Variants in RGS12 observed in about 807,000 individuals in gnomAD.
RGS12 encodes the protein regulator of G protein signaling 12.
Under a neutral mutation model 120.1 loss-of-function variants are expected in RGS12, and 66 were observed. The observed-to-expected ratio is 0.55, with a 90% CI of 0.45 to 0.67. RGS12 has a LOEUF of 0.67. Ranked by LOEUF, RGS12 falls within the 30% of genes least tolerant of loss-of-function variation. RGS12 has a pLI of 0.00. For missense variants in RGS12, 1,859 were observed against 1,957.7 expected (o/e 0.95, Z 0.95); for synonymous variants, 827 against 804.7 (o/e 1.03, Z -0.47).
chr4:3,437,300 C>T (rs1577115314), intron 17 of RGS12, among the ~76,000 whole-genome samples: 1 of 152,182 alleles, frequency 6.6e-6, no homozygotes, highest in African/African-American at 2.4e-5. Flanking sequence ...AGTGTTTCTC[C>T]ATCCTGAGCA....
At chr4:3,415,162 T>A (rs1722242694) in intron 6 of RGS12, among the ~76,000 whole-genome samples, 1 of 135,072 alleles carries the variant, frequency 7.4e-6, no homozygotes, top group Admixed American at 7.2e-5. Context: ...CGCGTGTGTG[T>A]GAGGGGCGTG....
intron 4 of RGS12, among the ~76,000 whole-genome samples, chr4:3,387,088 C>G (rs966732231): frequency 6.6e-6 from 1 of 152,200 alleles, no homozygotes; most frequent in African/African-American, 2.4e-5. Flanking sequence ...AAATATTCCT[C>G]TTTTCTTCTA....
rs541019511 is a variant in RGS12 at position 3,392,830 on chromosome 4, AAT to A, written c.2020+6397_2020+6398del. On this transcript the variant is annotated intron_variant, in intron 4 of 17. Coordinates refer to ENST00000336727, the MANE Select transcript of RGS12 (RefSeq NM_001394154.1). Reference sequence around the variant, plus strand: ...ATGGTGAAACCCCGTGTCTAATAAAAATATAAAAATAGCTGGGCATGGTGGCA... The same window carrying A: ...ATGGTGAAACCCCGTGTCTAATAAAAATAAAAATAGCTGGGCATGGTGGCA... Among the ~76,000 whole-genome samples the A allele has an allele frequency of 3.2e-4, 48 of 152,198 alleles. No homozygotes were observed. The South Asian group carries it at 8.5e-3, about 27-fold the overall frequency.
chr4:3,384,877 A>G (rs1353104841), intron 3 of RGS12, among the ~76,000 whole-genome samples: 1 of 152,206 alleles, frequency 6.6e-6, no homozygotes, highest in African/African-American at 2.4e-5. Context: ...CCGGATGGCC[A>G]GGCTGCGTCG....
At chr4:3,381,847 A>T (rs1718296324) in intron 3 of RGS12, among the ~76,000 whole-genome samples, 1 of 152,240 alleles carries the variant, frequency 6.6e-6, no homozygotes, top group South Asian at 2.1e-4. Context: ...TGACAAGATT[A>T]CTTAATTTGC....
At chr4:3,288,423 C>T (rs1455404861), upstream of RGS12, among the ~76,000 whole-genome samples, 3 of 152,180 alleles carry the variant, frequency 2.0e-5, no homozygotes, top group Non-Finnish European at 4.4e-5. This position sits in a 1 kb window ranked among gnomAD's most constrained non-coding sequence, Gnocchi z 5.2. Flanking sequence ...CTTCCTGGTG[C>T]AGCTCCTGAG....
At chr4:3,411,415 G>A (rs1469313993) in intron 4 of RGS12, among the ~76,000 whole-genome samples, 1 of 152,252 alleles carries the variant, frequency 6.6e-6, no homozygotes, top group Non-Finnish European at 1.5e-5. Context: ...CTGGCTCTGC[G>A]TGTTCGGGAT....
In RGS12 at chr4:3,417,333, C is replaced by T. The variant is rs143910414; in HGVS notation, c.2608-55C>T. The T allele has an allele frequency of 2.8e-3, 4,218 of 1,518,746 alleles. 63 individuals are homozygous for T. Among genetic ancestry groups the T allele is most frequent in the Admixed American group, 0.027 (1,289 of 47,744 alleles). The allele number at this position is 1,518,746 out of a possible 1,614,324, so 94.1% of individuals were successfully genotyped here. A position where few individuals can be genotyped will look rare whatever the true frequency, so the allele number is the denominator to read the frequency against. On this transcript the variant is annotated intron_variant, in intron 8 of 17. Coordinates refer to ENST00000336727, the MANE Select transcript of RGS12 (RefSeq NM_001394154.1). The stretch of plus-strand genomic sequence containing the variant: ...TCAGTATTGCCTCCTTTGCACTTAA[C>T]GTAATAGTAAAATAACTTCACATTG...
intron 1 of RGS12, among the ~76,000 whole-genome samples, chr4:3,300,686 C>T (rs1411625413): frequency 6.6e-6 from 1 of 152,196 alleles, no homozygotes; most frequent in African/African-American, 2.4e-5. Context: ...CCCGGCATTG[C>T]TAGGCTTGTG....
At chr4:3,311,554 G>A (rs774891045) in intron 1 of RGS12, among the ~76,000 whole-genome samples, 7 of 152,118 alleles carry the variant, frequency 4.6e-5, no homozygotes, top group Admixed American at 1.3e-4. Context: ...CTCCAGAATC[G>A]GAAACCCTCT....
rs552816352 is a variant in RGS12 at position 3,306,416 on chromosome 4, G to A, written c.-101-9654G>A. Among the ~76,000 whole-genome samples the A allele has an allele frequency of 4.6e-5, 7 of 152,374 alleles. 1 individual carries two copies. Among genetic ancestry groups the A allele is most frequent in the Admixed American group, 3.9e-4 (6 of 15,312 alleles). ...TATCACTCCACCATGGGGAGTGTGA[G>A]TGTGGGGGCAAAGGCTGATTTGGGA... On this transcript the variant is annotated intron_variant, in intron 1 of 17. Transcript: ENST00000336727.
chr4:3,413,958 G>T (rs998866706), intron 4 of RGS12, 114 bp from the exon 5 acceptor site: 22 of 1,095,452 alleles, frequency 2.0e-5, no homozygotes, highest in Non-Finnish European at 2.7e-5. Flanking sequence ...CTGAATGGGT[G>T]TTGGAGGGGA....
rs1308282512 is a variant in RGS12 at position 3,430,742 on chromosome 4, A to G, written c.3901A>G (p.Thr1301Ala). The part of the protein sequence containing the change: ...GQKSPSGPFC[T>A]PQSPVSLAQE... Reference sequence around the variant, plus strand: ...GAAGTCTCCCAGCGGGCCCTTCTGCACTCCCCAGTCCCCCGTCTCCCTCGC... The same window carrying G: ...GAAGTCTCCCAGCGGGCCCTTCTGCGCTCCCCAGTCCCCCGTCTCCCTCGC... Residue 1301 changes from threonine (T) to alanine (A), a missense_variant, in exon 17 of 18, where the codon ACT becomes GCT. Transcript: ENST00000336727. The G allele has an allele frequency of 6.2e-7, 1 of 1,600,692 alleles. No individual in the cohort carries two copies. The highest frequency in any genetic ancestry group is 1.4e-5 in the African/African-American group (1 of 73,506).
At chr4:3,349,532 C>G (rs979869133) in intron 3 of RGS12, among the ~76,000 whole-genome samples, 21 of 147,058 alleles carry the variant, frequency 1.4e-4, no homozygotes, top group African/African-American at 5.1e-4. Context: ...AATCTCCAAA[C>G]TAGACAAAAT....
chr4:3,379,636 A>G (rs1718062587), intron 3 of RGS12, among the ~76,000 whole-genome samples: 2 of 152,298 alleles, frequency 1.3e-5, no homozygotes, highest in African/African-American at 2.4e-5. Context: ...GGAACTTACA[A>G]TCATGATAGA....
At chr4:3,358,140 A>G (rs1715071938) in intron 3 of RGS12, among the ~76,000 whole-genome samples, 1 of 151,994 alleles carries the variant, frequency 6.6e-6, no homozygotes. Flanking sequence ...TCCTTTTCAG[A>G]TTATTCACTG....
In RGS12 at chr4:3,430,400, C is replaced by T. The variant is rs1406665495; in HGVS notation, c.3566-7C>T. 6.2e-7 allele frequency: 1 copy of T among 1,605,208 alleles called. No individual in the cohort carries two copies. Among genetic ancestry groups the T allele is most frequent in the Non-Finnish European group, 8.5e-7 (1 of 1,174,866 alleles). ...AAACACGGTCACTCTGGGTTTTCTTCCAATAGAGTTTTTTGAGCTTATTTC... is the reference window on the plus strand; with the variant it reads ...AAACACGGTCACTCTGGGTTTTCTTTCAATAGAGTTTTTTGAGCTTATTTC... On this transcript the variant is annotated splice_region_variant and splice_polypyrimidine_tract_variant and intron_variant, in intron 16 of 17. Transcript: ENST00000336727.
At chr4:3,327,676 C>T (rs756544635) in intron 2 of RGS12, among the ~76,000 whole-genome samples, 1 of 152,240 alleles carries the variant, frequency 6.6e-6, no homozygotes, top group Middle Eastern at 3.4e-3. Flanking sequence ...AGAAAATGCC[C>T]AATATCACTA....
chr4:3,411,495 C>T (rs2109085440), intron 4 of RGS12, among the ~76,000 whole-genome samples: 2 of 152,362 alleles, frequency 1.3e-5, no homozygotes, highest in South Asian at 4.1e-4. Context: ...TTGTTCCCCT[C>T]ATTTCTGCTT....
Sources: gnomAD v4.1 joint callset for allele counts (sites outside exome capture counted in the v4.1 genomes callset) on GRCh38, gnomAD v4.1.1 for gene constraint, Gnocchi (gnomAD v3.1) non-coding constraint, MANE v1.5 for transcripts, NCBI Gene and HGNC (gene_info 2026-07-23, HGNC 2026-07-21) for gene names.